The following STK3 variants were observed in gnomAD, a reference collection of about 807,000 sequenced individuals.
STK3 encodes serine/threonine kinase 3, also known as serine/threonine-protein kinase 3.
In STK3, 41 loss-of-function variants were observed where a neutral mutation model predicts 58.0. The observed-to-expected ratio is 0.71, with a 90% CI of 0.55 to 0.92. STK3 has a LOEUF of 0.92. Ranked by LOEUF, STK3 falls within the 40% of genes least tolerant of loss-of-function variation. The pLI is 0.00. For missense variants in STK3, 479 were observed against 602.7 expected (o/e 0.79, Z 2.15); for synonymous variants, 170 against 191.0 (o/e 0.89, Z 0.91).
intron 6 of STK3, among the ~76,000 whole-genome samples, chr8:98,675,205 A>C (rs1190056132): frequency 6.6e-6 from 1 of 152,226 alleles, no homozygotes; most frequent in East Asian, 1.9e-4. Flanking sequence ...CAAACATGCC[A>C]AGAATGTTAA....
intron 6 of STK3, among the ~76,000 whole-genome samples, chr8:98,604,002 T>C (rs1816575111): frequency 1.3e-5 from 2 of 151,972 alleles, no homozygotes; most frequent in Non-Finnish European, 2.9e-5. Flanking sequence ...ATCAGAAGGG[T>C]CCTAAAAAGT....
At chr8:98,737,266 C>G (rs1828676421) in intron 4 of STK3, among the ~76,000 whole-genome samples, 1 of 151,700 alleles carries the variant, frequency 6.6e-6, no homozygotes, top group Non-Finnish European at 1.5e-5. Flanking sequence ...CCTGACATAC[C>G]CAAATGAACA....
intron 6 of STK3, among the ~76,000 whole-genome samples, chr8:98,642,027 AG>A (rs1479677440): frequency 6.6e-6 from 1 of 152,248 alleles, no homozygotes; most frequent in African/African-American, 2.4e-5. Flanking sequence ...GACACTTTTT[AG>A]TAGCCAAGAA....
chr8:98,398,742 G>C (rs1372139195), downstream of STK3, among the ~76,000 whole-genome samples: 2 of 152,154 alleles, frequency 1.3e-5, no homozygotes, highest in African/African-American at 4.8e-5. Flanking sequence ...TCCCAGCCTC[G>C]GGCAAATTTT....
chr8:98,662,930 A>G (rs1822071567), intron 6 of STK3, among the ~76,000 whole-genome samples: 2 of 152,186 alleles, frequency 1.3e-5, no homozygotes, highest in South Asian at 2.1e-4. Context: ...AAAACCCTAG[A>G]AGAAAACCTA....
intron 10 of STK3, among the ~76,000 whole-genome samples, chr8:98,467,732 T>A (rs1192362055): frequency 2.0e-5 from 3 of 152,166 alleles, no homozygotes; most frequent in Non-Finnish European, 4.4e-5. Context: ...TTTATTTCAA[T>A]AATAAGGGGC....
chr8:98,899,801 G>A (rs957859811), intron 1 of STK3, among the ~76,000 whole-genome samples: 4 of 152,154 alleles, frequency 2.6e-5, no homozygotes, highest in Non-Finnish European at 4.4e-5. Context: ...TTAACGTGTA[G>A]GAGGGAAGCC....
intron 1 of STK3, among the ~76,000 whole-genome samples, chr8:98,902,564 T>C (rs1054104181): frequency 3.9e-5 from 6 of 152,200 alleles, no homozygotes; most frequent in African/African-American, 1.4e-4. Flanking sequence ...CACAAATCTC[T>C]CTCAATTCCT....
chr8:98,822,134 A>G (rs1435446599), intron 1 of STK3, among the ~76,000 whole-genome samples: 2 of 152,186 alleles, frequency 1.3e-5, no homozygotes, highest in Non-Finnish European at 2.9e-5. Flanking sequence ...CAAATATCCA[A>G]TTCATGTCAG....
chr8:98,918,274 C>T (rs999948070), intron 1 of STK3, among the ~76,000 whole-genome samples: 1 of 152,140 alleles, frequency 6.6e-6, no homozygotes, highest in Non-Finnish European at 1.5e-5. Context: ...CTGTGAAGCC[C>T]TAGTTTAGCT....
At chr8:98,739,797 A>C (rs539810312) in intron 4 of STK3, among the ~76,000 whole-genome samples, 1 of 148,028 alleles carries the variant, frequency 6.8e-6, no homozygotes, top group South Asian at 2.2e-4. Flanking sequence ...AAACTACTCC[A>C]AGCTACAGGA....
chr8:98,618,098 C>CA (rs1817919586), intron 6 of STK3, among the ~76,000 whole-genome samples: 1 of 151,658 alleles, frequency 6.6e-6, no homozygotes, highest in South Asian at 2.1e-4. Context: ...AGCAGCACAT[C>CA]AAAAAGCTTA....
intron 4 of STK3, among the ~76,000 whole-genome samples, chr8:98,745,409 C>T (rs1001493440): frequency 6.6e-6 from 1 of 152,058 alleles, no homozygotes; most frequent in Admixed American, 6.5e-5. Context: ...AAAACTTGTA[C>T]TATTTGAAAG....
At chr8:98,536,083 C>T (rs1035627042) in intron 9 of STK3, among the ~76,000 whole-genome samples, 35 of 151,992 alleles carry the variant, frequency 2.3e-4, no homozygotes, top group Non-Finnish European at 4.6e-4. Context: ...CTCTTCCAAC[C>T]CCAACAGCCT....
At chr8:98,916,706 G>A (rs1443048397) in intron 1 of STK3, among the ~76,000 whole-genome samples, 2 of 152,160 alleles carry the variant, frequency 1.3e-5, no homozygotes, top group Non-Finnish European at 2.9e-5. Flanking sequence ...TGAGATCACT[G>A]TTCTAGGCTC....
chr8:98,607,084 T>C (rs1175853768), intron 6 of STK3, among the ~76,000 whole-genome samples: 2 of 152,212 alleles, frequency 1.3e-5, no homozygotes, highest in African/African-American at 2.4e-5. Context: ...TGTGTTGAAA[T>C]AGAATACTGT....
intron 6 of STK3, among the ~76,000 whole-genome samples, chr8:98,669,181 G>A (rs992995344): frequency 6.6e-6 from 1 of 151,900 alleles, no homozygotes; most frequent in Non-Finnish European, 1.5e-5. Context: ...ATTCTTACTA[G>A]AGATGTGGTT....
chr8:98,815,249 G>T (rs1453986323), intron 1 of STK3, among the ~76,000 whole-genome samples: 3 of 152,178 alleles, frequency 2.0e-5, no homozygotes, highest in Non-Finnish European at 4.4e-5. Context: ...ATGTGTAGTG[G>T]AGAGACTATC....
In STK3 at chr8:98,832,419, C is replaced by T. The variant is rs115081959; in HGVS notation, c.110+51228G>A. ...AGCTATATACTTCAAAAGGTGAAAC[C>T]GAAGACACAGAGGCATCCTGTGTGC... On this transcript the variant is annotated intron_variant, in intron 3 of 12. Transcript: ENST00000523601. Among the ~76,000 whole-genome samples, 851 of 151,852 alleles carry T rather than the reference C, an allele frequency of 5.6e-3. 10 individuals carry two copies. The highest frequency in any genetic ancestry group is 0.018 in the African/African-American group (763 of 41,396).
Sources: gnomAD v4.1 joint callset for allele counts (sites outside exome capture counted in the v4.1 genomes callset) on GRCh38, gnomAD v4.1.1 for gene constraint, MANE v1.5 for transcripts, NCBI Gene and HGNC (gene_info 2026-07-23, HGNC 2026-07-21) for gene names.